The following ZNF568 variants were observed in gnomAD, a reference collection of about 807,000 sequenced individuals.
The protein encoded by ZNF568 is p53 inhibitor of SCO2 activation.
In ZNF568, 11 loss-of-function variants were observed where a neutral mutation model predicts 18.1. The observed-to-expected ratio is 0.61, with a 90% CI of 0.38 to 1.00. The LOEUF is 1.00. Ranked by LOEUF, ZNF568 falls within the 50% of genes least tolerant of loss-of-function variation. The pLI is 0.01. For synonymous variants in ZNF568, 213 were observed against 246.6 expected (o/e 0.86, Z 1.28); for missense variants, 639 against 768.2 (o/e 0.83, Z 1.99).
At chr19:36,989,954 A>C (rs1225171884) in intron 2 of ZNF568, among the ~76,000 whole-genome samples, 1 of 151,996 alleles carries the variant, frequency 6.6e-6, no homozygotes, top group Non-Finnish European at 1.5e-5. Flanking sequence ...GATTTGATGA[A>C]GTGGAAATGA....
chr19:36,926,456 T>A (rs373097538), intron 4 of ZNF568, among the ~76,000 whole-genome samples: 1 of 152,328 alleles, frequency 6.6e-6, no homozygotes, highest in East Asian at 1.9e-4. Flanking sequence ...TGAGTTTAAA[T>A]CTTGGCTCAG....
At chr19:36,978,503 C>T (rs931014167) in intron 7 of ZNF568, among the ~76,000 whole-genome samples, 16 of 152,126 alleles carry the variant, frequency 1.1e-4, no homozygotes, top group African/African-American at 3.9e-4. Context: ...GTGTTTTCTG[C>T]TTGTTGGAAT....
chr19:36,991,373 C>CT, intron 3 of ZNF568: 1 of 1,435,462 alleles, frequency 7.0e-7, no homozygotes, highest in Non-Finnish European at 9.1e-7. Context: ...TTCTTATGTT[C>CT]TTTTTTCTGA....
intron 6 of ZNF568, among the ~76,000 whole-genome samples, chr19:36,961,789 C>G (rs1427822488): frequency 6.6e-6 from 1 of 152,076 alleles, no homozygotes; most frequent in East Asian, 1.9e-4. Flanking sequence ...TTCCAAAGTG[C>G]TGGGATTACA....
chr19:36,980,541 G>A (rs903529206), downstream of ZNF568, among the ~76,000 whole-genome samples: 2 of 152,130 alleles, frequency 1.3e-5, no homozygotes, highest in African/African-American at 4.8e-5. Context: ...AGACCAGCTA[G>A]CTACAAATTC....
chr19:36,964,369 CTT>C (rs1255318606), intron 6 of ZNF568, among the ~76,000 whole-genome samples: 1 of 152,178 alleles, frequency 6.6e-6, no homozygotes, highest in Non-Finnish European at 1.5e-5. Context: ...TGGACAGTAA[CTT>C]TGTAAGATCT....
At chr19:36,953,823 A>G (rs2074087195), downstream of ZNF568, among the ~76,000 whole-genome samples, 2 of 152,304 alleles carry the variant, frequency 1.3e-5, no homozygotes, top group South Asian at 4.1e-4. Context: ...AGGCAGGAGA[A>G]TTGCTTGAAT....
intron 6 of ZNF568, among the ~76,000 whole-genome samples, chr19:36,967,568 A>C (rs59707967): frequency 0.013 from 1,999 of 152,278 alleles, 51 homozygotes; most frequent in African/African-American, 0.046. Context: ...TTCTCAAAAA[A>C]AACAAAACAA....
chr19:36,950,203 T>A lies in ZNF568; in HGVS notation c.1050T>A (p.Ile350=). The A allele has an allele frequency of 6.2e-7, 1 of 1,613,694 alleles. No individual in the cohort carries two copies. The highest frequency in any genetic ancestry group is 8.5e-7 in the Non-Finnish European group (1 of 1,179,738). Residue 350 remains isoleucine (I), a synonymous_variant, in exon 7 of 7, where the codon ATT becomes ATA. Transcript: ENST00000333987. ...CCTTCAGCCAGAAGCAAAATCTTAT[T>A]GAGCACGAGAAAATTCATACTGGGG... ...GKSFSQKQNL[I]EHEKIHTGEK...
chr19:36,962,288 T>TG (rs2074159375), intron 6 of ZNF568, among the ~76,000 whole-genome samples: 1 of 144,328 alleles, frequency 6.9e-6, no homozygotes, highest in Non-Finnish European at 1.5e-5. Context: ...TTTTTTTTTT[T>TG]TTTTTTTTTT....
rs200880642 is a variant in ZNF568, at chr19:36,933,898, G to GTTTTTTTTTTT, written c.136-2848_136-2847insTTTTTTTTTTT. On this transcript the variant is annotated intron_variant, in intron 4 of 6. Transcript: ENST00000333987. ...TAGGCCTGAGTTTTTCTTTTGGGTA[G>GTTTTTTTTTTT]GTTTTTTTTTTTGTTTTGTTTTTTT... Among the ~76,000 whole-genome samples the GTTTTTTTTTTT allele has an allele frequency of 6.2e-4, 16 of 25,764 alleles. 2 individuals are homozygous for GTTTTTTTTTTT. Among genetic ancestry groups the GTTTTTTTTTTT allele is most frequent in the African/African-American group, 4.2e-3 (15 of 3,566 alleles). The allele number at this position is 25,764 out of a possible 152,430, so 16.9% of individuals were successfully genotyped here.
intron 4 of ZNF568, chr19:36,931,500 A>C (rs2073685940): frequency 6.6e-6 from 1 of 152,054 alleles, no homozygotes; most frequent in African/African-American, 2.4e-5. Context: ...TAGCTAGATG[A>C]TAGGCATGTG....
intron 6 of ZNF568, among the ~76,000 whole-genome samples, chr19:36,962,332 C>CT (rs2074160875): frequency 1.8e-3 from 22 of 12,486 alleles, no homozygotes; most frequent in Non-Finnish European, 2.3e-3. Flanking sequence ...TTGAGCTTTT[C>CT]TTTCTTTTTT....
At position 36,996,678 on chromosome 19, in the gene ZNF568, T is replaced by TTC; in HGVS notation, c.591_592insTC (p.Lys198SerfsTer138). 6.5e-7 allele frequency: 1 copy of TTC among 1,535,606 alleles called. No homozygotes were observed. Among genetic ancestry groups the TTC allele is most frequent in the Non-Finnish European group, 8.7e-7 (1 of 1,146,794 alleles). ...TCTTTAATAGTGGATCAGACTTGAT[T>TTC]AAGCATCAGACGCTTCATGAAAGCA... On this transcript the variant is annotated frameshift_variant, in exon 5 of 5. Coordinates refer to the ZNF568 transcript ENST00000433993. LOFTEE classifies it low-confidence loss of function (END_TRUNC).
At chr19:36,937,500 A>T (rs1244357718) in intron 6 of ZNF568, among the ~76,000 whole-genome samples, 2 of 152,196 alleles carry the variant, frequency 1.3e-5, no homozygotes, top group Non-Finnish European at 2.9e-5. Context: ...TAATTCATTC[A>T]CAGCTTCACT....
At chr19:36,975,378 A>C in intron 7 of ZNF568, among the ~76,000 whole-genome samples, 1 of 147,788 alleles carries the variant, frequency 6.8e-6, no homozygotes, top group Non-Finnish European at 1.5e-5. Context: ...CGATCTCCTG[A>C]CCTCGTGATC....
At chr19:36,925,056 C>T (rs2073529028) in intron 3 of ZNF568, 144 bp from the exon 4 acceptor site, 1 of 670,278 alleles carries the variant, frequency 1.5e-6, no homozygotes, top group East Asian at 2.7e-5. Flanking sequence ...ATTTCAGTGT[C>T]TATAGCTAGA....
chr19:36,996,914 C>T (rs2074478738), exon 5 of ZNF568: 2 of 1,538,434 alleles, frequency 1.3e-6, no homozygotes, highest in Non-Finnish European at 1.7e-6. Flanking sequence ...CCATCCACTG[C>T]ACAGCTTAAT....
chr19:36,925,632 T>C (rs2073539127), intron 4 of ZNF568, among the ~76,000 whole-genome samples: 1 of 152,124 alleles, frequency 6.6e-6, no homozygotes, highest in South Asian at 2.1e-4. Flanking sequence ...CTTCTGTATC[T>C]GTAGATTCTG....
Sources: gnomAD v4.1 joint callset for allele counts (sites outside exome capture counted in the v4.1 genomes callset) on GRCh38, gnomAD v4.1.1 for gene constraint, MANE v1.5 for transcripts, NCBI Gene and HGNC (gene_info 2026-07-23, HGNC 2026-07-21) for gene names.